Variants in DPP10 observed in about 807,000 individuals in gnomAD.
DPP10 encodes inactive dipeptidyl peptidase 10.
DPP10 carries 33 observed loss-of-function variants against 120.9 expected under a neutral mutation model. The ratio of observed to expected loss-of-function variants is 0.27; its 90% confidence interval spans 0.21 to 0.37. The LOEUF (loss-of-function observed/expected upper bound fraction) is 0.37. DPP10 is among the 10% of genes least tolerant of loss of function. The pLI is 1.00. For synonymous variants in DPP10, 337 were observed against 326.1 expected (o/e 1.03, Z -0.36); for missense variants, 816 against 942.8 (o/e 0.87, Z 1.76).
intron 1 of DPP10, among the ~76,000 whole-genome samples, chr2:114,783,657 C>T (rs979699982): frequency 2.0e-5 from 3 of 151,810 alleles, no homozygotes; most frequent in African/African-American, 4.8e-5. Flanking sequence ...GACAACATGA[C>T]GAAAACCCAT....
At chr2:115,517,817 G>C (rs2077583155) in intron 4 of DPP10, among the ~76,000 whole-genome samples, 1 of 152,150 alleles carries the variant, frequency 6.6e-6, no homozygotes, top group Non-Finnish European at 1.5e-5. Flanking sequence ...CTGCTAAATA[G>C]ATATCTGTCT....
chr2:114,589,882 T>C (rs141293214), intron 1 of DPP10, among the ~76,000 whole-genome samples: 1 of 152,158 alleles, frequency 6.6e-6, no homozygotes, highest in Non-Finnish European at 1.5e-5. Flanking sequence ...TAGTTGGAAA[T>C]ACAGTCTTTG....
chr2:115,310,613 T>C (rs2061537774), intron 2 of DPP10, among the ~76,000 whole-genome samples: 3 of 152,154 alleles, frequency 2.0e-5, no homozygotes, highest in Non-Finnish European at 2.9e-5. Flanking sequence ...AGTTGGCTTA[T>C]CCGGCATTCT....
chr2:115,113,361 A>C (rs2049329828), intron 1 of DPP10, among the ~76,000 whole-genome samples: 1 of 151,834 alleles, frequency 6.6e-6, no homozygotes, highest in South Asian at 2.1e-4. Context: ...TTTGCCCCCA[A>C]ATGTGTCTTC....
At chr2:115,139,724 T>TAAAAAAAAAAAAAAAAA (rs55826687) in intron 1 of DPP10, among the ~76,000 whole-genome samples, 12 of 56,630 alleles carry the variant, frequency 2.1e-4, no homozygotes, top group South Asian at 1.1e-3. Flanking sequence ...GTAAAAATAC[T>TAAAAAAAAAAAAAAAAA]AAAAAAAAAA....
At chr2:115,479,739 A>G (rs2075314353) in intron 3 of DPP10, among the ~76,000 whole-genome samples, 1 of 152,166 alleles carries the variant, frequency 6.6e-6, no homozygotes, top group South Asian at 2.1e-4. Flanking sequence ...GACCTTCTTT[A>G]GCCCCTCTGA....
chr2:114,468,490 T>C (rs1170250496), intron 1 of DPP10, among the ~76,000 whole-genome samples: 1 of 151,894 alleles, frequency 6.6e-6, no homozygotes, highest in Non-Finnish European at 1.5e-5. Context: ...AAAGGTTCAT[T>C]TGTAAATCAG....
intron 3 of DPP10, among the ~76,000 whole-genome samples, chr2:115,462,643 TATAAA>T (rs1191137018): frequency 1.4e-4 from 21 of 152,314 alleles, no homozygotes; most frequent in African/African-American, 5.1e-4. Context: ...CTCACACATA[TATAAA>T]ATAAAAGTAT....
At chr2:114,746,771 G>A (rs1678619889) in intron 1 of DPP10, among the ~76,000 whole-genome samples, 1 of 152,184 alleles carries the variant, frequency 6.6e-6, no homozygotes, top group Admixed American at 6.5e-5. Flanking sequence ...TGCTCTAGGA[G>A]TTTTCCAATG....
intron 1 of DPP10, among the ~76,000 whole-genome samples, chr2:114,787,652 G>A (rs1682876643): frequency 1.3e-5 from 2 of 152,070 alleles, no homozygotes; most frequent in South Asian, 2.1e-4. Context: ...CACCCTTTAC[G>A]TGCCTTGAGC....
At chr2:114,457,425 G>A (rs1211401805) in intron 1 of DPP10, among the ~76,000 whole-genome samples, 1 of 152,146 alleles carries the variant, frequency 6.6e-6, no homozygotes, top group East Asian at 1.9e-4. Context: ...TGGCTTACAT[G>A]GTAGCTGTTG....
chr2:115,732,138 A>G (rs913204011), intron 8 of DPP10, among the ~76,000 whole-genome samples: 4 of 152,174 alleles, frequency 2.6e-5, no homozygotes, highest in Admixed American at 6.5e-5. Context: ...GTCAATTACA[A>G]TCTAAATTAG....
intron 1 of DPP10, chr2:115,064,674 G>C: frequency 7.7e-7 from 1 of 1,294,510 alleles, no homozygotes; most frequent in South Asian, 1.2e-5. Context: ...GCATGAGTGA[G>C]TGACATGCAA....
intron 1 of DPP10, among the ~76,000 whole-genome samples, chr2:115,250,936 A>G (rs1036869883): frequency 5.3e-5 from 8 of 152,210 alleles, no homozygotes; most frequent in Non-Finnish European, 8.8e-5. Flanking sequence ...AATGTTCAGA[A>G]GTGGAGGCTT....
intron 5 of DPP10, among the ~76,000 whole-genome samples, chr2:115,576,889 A>G (rs147853546): frequency 3.1e-4 from 47 of 152,354 alleles, no homozygotes; most frequent in African/African-American, 1.1e-3. Context: ...TTGATGTAAC[A>G]GAGACCAGCC....
chr2:115,208,993 T>C (rs1202182295), intron 1 of DPP10, among the ~76,000 whole-genome samples: 2 of 152,184 alleles, frequency 1.3e-5, no homozygotes, highest in Non-Finnish European at 2.9e-5. Flanking sequence ...AGATGAGTTC[T>C]CAGATCAGAA....
At chr2:115,017,819 A>G (rs1159021410) in intron 1 of DPP10, among the ~76,000 whole-genome samples, 1 of 151,302 alleles carries the variant, frequency 6.6e-6, no homozygotes, top group Non-Finnish European at 1.5e-5. Context: ...ACACTTGGAC[A>G]CAGGTAGGGG....
At chr2:115,540,654 A>C in intron 5 of DPP10, among the ~76,000 whole-genome samples, 1 of 151,840 alleles carries the variant, frequency 6.6e-6, no homozygotes, top group East Asian at 1.9e-4. Context: ...TTGCACCTAT[A>C]ATTTTGCACT....
At chr2:114,856,914 T>A (rs1207435427) in intron 1 of DPP10, among the ~76,000 whole-genome samples, 1 of 152,238 alleles carries the variant, frequency 6.6e-6, no homozygotes, top group Non-Finnish European at 1.5e-5. Flanking sequence ...CATTTTTGAA[T>A]GTTTCATGCC....
Sources: allele counts gnomAD v4.1 joint callset (sites outside exome capture counted in the v4.1 genomes callset), GRCh38; gene constraint gnomAD v4.1.1; transcripts MANE v1.5; gene names NCBI Gene and HGNC (gene_info 2026-07-23, HGNC 2026-07-21).